SLC39A11: variants seen among roughly 807,000 people sequenced by gnomAD.
SLC39A11 encodes the protein solute carrier family 39 member 11.
Under a neutral mutation model 36.1 loss-of-function variants are expected in SLC39A11, and 33 were observed. The ratio of observed to expected loss-of-function variants is 0.91; its 90% confidence interval spans 0.69 to 1.22. SLC39A11 has a LOEUF of 1.22. Among genes scored for constraint, SLC39A11 ranks in the 50% most tolerant of loss-of-function variants. SLC39A11 has a pLI of 0.00. For synonymous variants in SLC39A11, 166 were observed against 170.3 expected (o/e 0.97, Z 0.20); for missense variants, 432 against 430.3 (o/e 1.00, Z -0.03).
intron 6 of SLC39A11, among the ~76,000 whole-genome samples, chr17:72,790,538 T>TCTC (rs200836775): frequency 1.3e-4 from 17 of 131,110 alleles, no homozygotes; most frequent in African/African-American, 5.0e-4. Flanking sequence ...TCTCTCTCTC[T>TCTC]TTTTTTTTTT....
intron 6 of SLC39A11, among the ~76,000 whole-genome samples, chr17:72,832,512 T>A (rs1317935207): frequency 6.6e-6 from 1 of 152,234 alleles, no homozygotes; most frequent in African/African-American, 2.4e-5. Context: ...ATGACACATC[T>A]ATGCCAAATG....
intron 5 of SLC39A11, among the ~76,000 whole-genome samples, chr17:72,890,025 C>T (rs1305146909): frequency 5.9e-5 from 9 of 151,620 alleles, no homozygotes; most frequent in African/African-American, 2.2e-4. Flanking sequence ...TTTGGGAGGC[C>T]GAGGGTGGCA....
In SLC39A11 at chr17:73,060,263, A is replaced by T. The variant is rs543860182; in HGVS notation, c.147+24545T>A. On this transcript the variant is annotated intron_variant, in intron 3 of 9. Transcript: ENST00000255559. ...AAAAGAAAAAAAAAGAAAACAAGGT[A>T]AAAAAAAAAAAGTTGGGGGGTTTCT... 1.3e-3 allele frequency among the ~76,000 whole-genome samples: 145 copies of T among 115,342 alleles called. 5 individuals are homozygous for T. In the South Asian group the frequency reaches 0.034, roughly 27 times the overall value. 75.7% of individuals were successfully genotyped at this position (115,342 alleles called of 152,430 possible). A position where few individuals can be genotyped will look rare whatever the true frequency, so the allele number is the denominator to read the frequency against.
intron 4 of SLC39A11, among the ~76,000 whole-genome samples, chr17:72,957,283 G>A (rs991792310): frequency 9.2e-5 from 14 of 152,288 alleles, no homozygotes; most frequent in Admixed American, 5.9e-4. Context: ...TGTCAGGTAC[G>A]GATGCTGACG....
rs1030462869 is a variant in SLC39A11 at position 72,821,423 on chromosome 17, T to C, written c.601+28211A>G. Among the ~76,000 whole-genome samples the C allele has an allele frequency of 8.4e-5, 12 of 143,048 alleles. 1 individual carries two copies. The highest frequency in any genetic ancestry group is 1.3e-4 in the African/African-American group (5 of 38,574). 93.8% of individuals were successfully genotyped at this position (143,048 alleles called of 152,430 possible). A position where few individuals can be genotyped will look rare whatever the true frequency, so the allele number is the denominator to read the frequency against. On this transcript the variant is annotated intron_variant, in intron 6 of 9. Transcript: ENST00000255559. The stretch of plus-strand genomic sequence containing the variant: ...CAGGAGGCGGAGGCACAAGAACCGA[T>C]TGAACTCAGGAGGCGGAGGTTGTGG...
Position 73,031,622 on chromosome 17 carries a change from A to C in SLC39A11, c.240T>G (p.Pro80=). Residue 80 remains proline, a synonymous_variant, in exon 4 of 10, where the codon CCT becomes CCG. Transcript: ENST00000255559. The stretch of plus-strand genomic sequence containing the variant: ...CTCCAAGGGTGAAGCCAACAGCCAC[A>C]GGGAAGAAGGCAAAGGCACCGAAGC... ...SGGFGAFAFF[P]VAVGFTLGAA... is the part of the protein sequence containing the mutation. 1 of 1,614,228 alleles carries C rather than the reference A, an allele frequency of 6.2e-7. No individual in the cohort carries two copies. The highest frequency in any genetic ancestry group is 1.7e-4 in the Middle Eastern group (1 of 6,060).
chr17:72,927,410 T>C (rs750527556), intron 5 of SLC39A11, among the ~76,000 whole-genome samples: 16 of 152,202 alleles, frequency 1.1e-4, no homozygotes, highest in Non-Finnish European at 1.9e-4. Flanking sequence ...CCAAGCCTGT[T>C]GTTGTGCCTT....
intron 5 of SLC39A11, among the ~76,000 whole-genome samples, chr17:72,929,633 G>T (rs1164982218): frequency 3.3e-5 from 5 of 152,104 alleles, no homozygotes; most frequent in African/African-American, 4.8e-5. Context: ...TTAAGATTAA[G>T]GGTGCAAATT....
intron 6 of SLC39A11, among the ~76,000 whole-genome samples, chr17:72,838,829 T>C (rs897217010): frequency 1.1e-4 from 16 of 152,158 alleles, no homozygotes; most frequent in Admixed American, 2.6e-4. Context: ...CACTGTGAAT[T>C]GGCTCATCAC....
Position 72,647,585 on chromosome 17 carries a change from T to C in SLC39A11, c.1007A>G (p.Ter336TrpextTer2), listed in dbSNP as rs778507497. ...CCCGGGGTCCGAAGCGTCTCAGCCC[T>C]AGCCCAGGCCAACGTCCAGTGACAT... The part of the protein sequence containing the change: ...VMMSLDVGLG[*>W] The change falls in exon 10 of 10, where the codon TAG (stop) becomes TGG (tryptophan). Residue 336 changes from the stop codon to tryptophan, a stop_lost. Transcript: ENST00000255559. 2 of 1,613,676 alleles carry C rather than the reference T, an allele frequency of 1.2e-6. No individual in the cohort carries two copies. Among genetic ancestry groups the C allele is most frequent in the Admixed American group, 1.7e-5 (1 of 60,002 alleles).
chr17:72,900,148 G>GAAAGA (rs2082282571), intron 5 of SLC39A11, among the ~76,000 whole-genome samples: 1 of 96,556 alleles, frequency 1.0e-5, no homozygotes, highest in Admixed American at 1.1e-4. Context: ...GAAAAAGAAA[G>GAAAGA]AAAGAAAAGA....
At chr17:72,819,651 C>T (rs187232722) in intron 6 of SLC39A11, among the ~76,000 whole-genome samples, 144 of 151,284 alleles carry the variant, frequency 9.5e-4, no homozygotes, top group African/African-American at 3.1e-3. Flanking sequence ...AAAAAACAGC[C>T]TATGACAATA....
chr17:73,010,500 G>A (rs2090451968), intron 4 of SLC39A11, among the ~76,000 whole-genome samples: 1 of 152,138 alleles, frequency 6.6e-6, no homozygotes, highest in Non-Finnish European at 1.5e-5. Context: ...GTCCTTACGG[G>A]AACTTTTTTA....
chr17:72,660,219 C>T (rs968978480), intron 7 of SLC39A11, among the ~76,000 whole-genome samples: 3 of 152,228 alleles, frequency 2.0e-5, no homozygotes, highest in Non-Finnish European at 2.9e-5. Context: ...CCCACTGCAA[C>T]CGCCTGCGGT....
chr17:72,813,964 T>C (rs901920513), intron 6 of SLC39A11, among the ~76,000 whole-genome samples: 1 of 152,166 alleles, frequency 6.6e-6, no homozygotes, highest in Non-Finnish European at 1.5e-5. Flanking sequence ...AACCGCTTTC[T>C]TGAGAGAGCT....
At chr17:72,786,151 G>A (rs1231196855) in intron 6 of SLC39A11, among the ~76,000 whole-genome samples, 1 of 152,202 alleles carries the variant, frequency 6.6e-6, no homozygotes, top group East Asian at 1.9e-4. Flanking sequence ...TTGACTGCAT[G>A]GGAAACCAGG....
At chr17:73,078,217 G>A (rs937910824) in intron 3 of SLC39A11, among the ~76,000 whole-genome samples, 1 of 144,976 alleles carries the variant, frequency 6.9e-6, no homozygotes, top group Non-Finnish European at 1.5e-5. Context: ...CAGCCTAGGT[G>A]ACAGAGCAAG....
intron 9 of SLC39A11, among the ~76,000 whole-genome samples, chr17:72,648,262 G>A (rs546490389): frequency 6.6e-4 from 99 of 149,256 alleles, no homozygotes; most frequent in Middle Eastern, 3.5e-3. Flanking sequence ...CCTGGGGGGC[G>A]GAGGTTGCAG....
chr17:72,905,103 G>A lies in SLC39A11; in HGVS notation c.430+42649C>T, dbSNP rs538641191. Among the ~76,000 whole-genome samples the A allele has an allele frequency of 2.8e-3, 403 of 143,632 alleles. 1 individual carries two copies. Among genetic ancestry groups the A allele is most frequent in the African/African-American group, 0.01 (393 of 38,612 alleles). 94.2% of individuals were successfully genotyped at this position (143,632 alleles called of 152,430 possible). A position where few individuals can be genotyped will look rare whatever the true frequency, so the allele number is the denominator to read the frequency against. ...CAGAAGAATGGCATGAACCCGGGAA[G>A]CGGAGCTTGCAGTGAGCTGAGATCG... On this transcript the variant is annotated intron_variant, in intron 5 of 9. Coordinates refer to ENST00000255559, the MANE Select transcript of SLC39A11 (RefSeq NM_139177.4).
Sources: gnomAD v4.1 joint callset for allele counts (sites outside exome capture counted in the v4.1 genomes callset) on GRCh38, gnomAD v4.1.1 for gene constraint, MANE v1.5 for transcripts, NCBI Gene and HGNC (gene_info 2026-07-23, HGNC 2026-07-21) for gene names.